The following HNMT variants were observed in gnomAD, a reference collection of about 807,000 sequenced individuals.
The protein encoded by HNMT is histamine N-methyltransferase.
HNMT carries 30 observed loss-of-function variants against 32.1 expected under a neutral mutation model. The observed-to-expected ratio is 0.93, with a 90% CI of 0.70 to 1.27. The LOEUF is 1.27. HNMT is among the 50% of genes most tolerant of loss of function. The pLI is 0.00. For synonymous variants in HNMT, 125 were observed against 119.0 expected (o/e 1.05, Z -0.33); for missense variants, 327 against 346.0 (o/e 0.95, Z 0.43).
intron 1 of HNMT, 91 bp downstream of exon 1, chr2:137,964,719 G>T: frequency 7.4e-7 from 1 of 1,347,596 alleles, no homozygotes; most frequent in Non-Finnish European, 1.1e-6. Flanking sequence ...CGCAGGCTGG[G>T]CACAGGGATA....
chr2:137,978,344 T>C (rs1344657225), intron 2 of HNMT, among the ~76,000 whole-genome samples: 1 of 146,490 alleles, frequency 6.8e-6, no homozygotes, highest in African/African-American at 2.5e-5. Context: ...ATATAATATA[T>C]GATTATATAA....
At chr2:137,976,083 A>G (rs974250939) in intron 2 of HNMT, among the ~76,000 whole-genome samples, 10 of 152,206 alleles carry the variant, frequency 6.6e-5, no homozygotes, top group Non-Finnish European at 1.2e-4. Context: ...CCTGGCCAAC[A>G]TAGTGAAACC....
intron 2 of HNMT, among the ~76,000 whole-genome samples, chr2:137,998,324 T>C (rs904413956): frequency 2.0e-5 from 3 of 152,154 alleles, no homozygotes; most frequent in Non-Finnish European, 4.4e-5. Context: ...TGAAATGTTC[T>C]TTTTTAAAAA....
intron 2 of HNMT, among the ~76,000 whole-genome samples, chr2:137,996,278 T>A (rs1245923450): frequency 6.6e-6 from 1 of 152,192 alleles, no homozygotes; most frequent in Non-Finnish European, 1.5e-5. Flanking sequence ...AACCCCATCA[T>A]CTCAGCCTAA....
chr2:138,001,346 G>A (rs1681164224), intron 3 of HNMT, among the ~76,000 whole-genome samples: 2 of 152,126 alleles, frequency 1.3e-5, no homozygotes, highest in African/African-American at 4.8e-5. Context: ...TGTTTAGTGG[G>A]TTACAGTAAA....
intron 4 of HNMT, among the ~76,000 whole-genome samples, chr2:138,004,338 T>C (rs2104979601): frequency 6.6e-6 from 1 of 152,196 alleles, no homozygotes; most frequent in Admixed American, 6.6e-5. Flanking sequence ...GCTAAAGTAC[T>C]TTTCCTTTGT....
rs1681192389 is a variant in HNMT, at chr2:138,002,121, C to G, written c.356C>G (p.Thr119Arg). ...GTAAAGTTTGCTTGGCATAAGGAGA[C>G]ATCATCTGAATACCAAAGTAGAATG... ...ENVKFAWHKE[T>R]SSEYQSRMLE... The change falls in exon 4 of 6, where the codon ACA (threonine) becomes AGA (arginine). Residue 119 changes from threonine to arginine, a missense_variant. By Grantham distance (71) the Thr-to-Arg change is moderately conservative. Transcript: ENST00000280097. 2 of 1,603,158 alleles carry G rather than the reference C, an allele frequency of 1.2e-6. No individual in the cohort carries two copies. The highest frequency in any genetic ancestry group is 3.3e-4 in the Middle Eastern group (2 of 6,002).
intron 4 of HNMT, among the ~76,000 whole-genome samples, chr2:138,003,617 C>T (rs1446843437): frequency 6.6e-6 from 1 of 152,078 alleles, no homozygotes; most frequent in African/African-American, 2.4e-5. Flanking sequence ...CCCACTTCCT[C>T]ACATAACTAT....
At chr2:138,004,990 CT>C in intron 4 of HNMT, 141 bp from the exon 5 acceptor site, 1 of 581,856 alleles carries the variant, frequency 1.7e-6, no homozygotes, top group Non-Finnish European at 3.1e-6. Flanking sequence ...CATGCAACGT[CT>C]TTAATCTTTA....
In HNMT at chr2:137,970,017, A is replaced by G. The variant is rs1680073549; in HGVS notation, c.138-148A>G. ...TTTTGAAATATACTCTAAAGATGGC[A>G]ATATAACTGATATAATTGGGACATT... On this transcript the variant is annotated intron_variant, in intron 1 of 5. Coordinates refer to ENST00000280097, the MANE Select transcript of HNMT (RefSeq NM_006895.3). 5.8e-6 allele frequency: 3 copies of G among 514,234 alleles called. No homozygotes were observed. In the South Asian group the frequency reaches 1.1e-4, roughly 19 times the overall value. 31.9% of individuals were successfully genotyped at this position (514,234 alleles called of 1,614,324 possible).
chr2:138,010,631 A>G lies in HNMT; in HGVS notation c.524-3144A>G, dbSNP rs575526590. On this transcript the variant is annotated intron_variant, in intron 5 of 5. Coordinates refer to ENST00000280097, the MANE Select transcript of HNMT (RefSeq NM_006895.3). Reference sequence around the variant, plus strand: ...TGGAAATATATGTTGCTTGATGGAAATCAACCTTTCCTCTGTGTTTCTAAA... The same window carrying G: ...TGGAAATATATGTTGCTTGATGGAAGTCAACCTTTCCTCTGTGTTTCTAAA... Among the ~76,000 whole-genome samples the G allele has an allele frequency of 9.9e-5, 15 of 152,242 alleles. No homozygotes were observed. In the East Asian group the frequency reaches 2.9e-3, roughly 29 times the overall value.
intron 2 of HNMT, among the ~76,000 whole-genome samples, chr2:137,984,829 G>C (rs1680604655): frequency 1.3e-5 from 2 of 152,110 alleles, no homozygotes; most frequent in African/African-American, 2.4e-5. Context: ...AGGAGTGACT[G>C]TGAGTTATAT....
chr2:137,977,944 T>A (rs2104937553), intron 2 of HNMT, among the ~76,000 whole-genome samples: 1 of 152,124 alleles, frequency 6.6e-6, no homozygotes, highest in South Asian at 2.1e-4. Context: ...TCTCCAGGGC[T>A]CCAGCAATTG....
chr2:138,011,246 A>C (rs1681494614), intron 5 of HNMT, among the ~76,000 whole-genome samples: 1 of 152,124 alleles, frequency 6.6e-6, no homozygotes, highest in African/African-American at 2.4e-5. Context: ...CCTCTCTTCA[A>C]CCACTGAAAT....
rs6726825 is a variant in HNMT at position 137,989,653 on chromosome 2, C to T, written c.191-11265C>T. Reference sequence around the variant, plus strand: ...TGAATCATATGGTAAGGTTATGCTTCGTCTTTTAAGAAACTGCCAAACTGT... The same window carrying T: ...TGAATCATATGGTAAGGTTATGCTTTGTCTTTTAAGAAACTGCCAAACTGT... On this transcript the variant is annotated intron_variant, in intron 2 of 5. Coordinates refer to ENST00000280097, the MANE Select transcript of HNMT (RefSeq NM_006895.3). 6.6e-3 allele frequency among the ~76,000 whole-genome samples: 1,009 copies of T among 152,302 alleles called. 14 individuals carry two copies. The highest frequency in any genetic ancestry group is 0.023 in the African/African-American group (957 of 41,564).
Position 138,014,389 on chromosome 2 carries a change from G to T in HNMT, c.*259G>T. 3.0e-6 allele frequency: 1 copy of T among 336,834 alleles called. No individual in the cohort carries two copies. Among genetic ancestry groups the T allele is most frequent in the East Asian group, 4.6e-5 (1 of 21,602 alleles). 20.9% of individuals were successfully genotyped at this position (336,834 alleles called of 1,614,324 possible). ...CATAAGCTAGAAAAATTAGATGACT[G>T]AATTTCTATGGCATATTGATAATAA... On this transcript the variant is annotated 3_prime_UTR_variant, in exon 6 of 6. Transcript: ENST00000280097.
chr2:137,971,186 C>T, intron 2 of HNMT, among the ~76,000 whole-genome samples: 1 of 145,844 alleles, frequency 6.9e-6, no homozygotes, highest in South Asian at 2.2e-4. Flanking sequence ...TCCTAAGCAC[C>T]TTTTTTTTTT....
intron 5 of HNMT, among the ~76,000 whole-genome samples, chr2:138,009,379 C>T (rs1011810390): frequency 1.3e-5 from 2 of 151,960 alleles, no homozygotes; most frequent in African/African-American, 4.8e-5. Flanking sequence ...CCAGTTGACC[C>T]AGCAACCCTC....
intron 2 of HNMT, among the ~76,000 whole-genome samples, chr2:137,997,428 A>T (rs1681030504): frequency 6.6e-6 from 1 of 152,212 alleles, no homozygotes; most frequent in African/African-American, 2.4e-5. Flanking sequence ...AAAAAAGCTC[A>T]ATATCGCTGA....
Sources: gnomAD v4.1 joint callset for allele counts (sites outside exome capture counted in the v4.1 genomes callset) on GRCh38, gnomAD v4.1.1 for gene constraint, MANE v1.5 for transcripts, NCBI Gene and HGNC (gene_info 2026-07-23, HGNC 2026-07-21) for gene names.